Variants in UBN2 observed in about 807,000 individuals in gnomAD.
UBN2 encodes the protein ubinuclein-2.
In UBN2, 35 loss-of-function variants were observed where a neutral mutation model predicts 120.2. The observed-to-expected ratio is 0.29, with a 90% confidence interval of 0.22 to 0.39. UBN2 has a LOEUF of 0.39. Among genes scored for constraint, UBN2 ranks in the 10% least tolerant of loss-of-function variants. The pLI is 1.00. For synonymous variants in UBN2, 661 were observed against 648.7 expected (o/e 1.02, Z -0.29); for missense variants, 1,693 against 1,663.2 (o/e 1.02, Z -0.31).
intron 15 of UBN2, among the ~76,000 whole-genome samples, chr7:139,289,176 A>G (rs1016981749): frequency 1.3e-5 from 2 of 152,128 alleles, no homozygotes; most frequent in African/African-American, 4.8e-5. Flanking sequence ...CCCAGATGAT[A>G]CCAACATTGG....
intron 9 of UBN2, 55 bp downstream of exon 9, chr7:139,272,495 TATG>T (rs1425264061): frequency 7.4e-5 from 30 of 402,966 alleles, no homozygotes; most frequent in South Asian, 3.2e-4. Context: ...GTATGTACGT[TATG>T]TATGTATGTA....
the UBN2 span, among the ~76,000 whole-genome samples, chr7:139,316,098 AAAAAAAAAAG>A: frequency 4.0e-4 from 56 of 140,022 alleles, 3 homozygotes; most frequent in African/African-American, 7.7e-4. Context: ...AAAAAAAAAA[AAAAAAAAAAG>A]GGGTTCCAGT....
intron 3 of UBN2, among the ~76,000 whole-genome samples, chr7:139,254,384 C>T (rs1224041016): frequency 6.6e-6 from 1 of 152,136 alleles, no homozygotes; most frequent in Non-Finnish European, 1.5e-5. Context: ...ATTGCCAGTG[C>T]CCTTTGGAGT....
At chr7:139,281,193 TG>T (rs1797597599) in intron 13 of UBN2, among the ~76,000 whole-genome samples, 1 of 152,202 alleles carries the variant, frequency 6.6e-6, no homozygotes, top group Non-Finnish European at 1.5e-5. Context: ...TAGGATGATA[TG>T]GGGGAGTCAT....
chr7:139,284,631 T>C, intron 15 of UBN2, 57 bp downstream of exon 15: 2 of 1,454,890 alleles, frequency 1.4e-6, no homozygotes, highest in South Asian at 1.3e-5. Flanking sequence ...ATGTCGTCTT[T>C]CTTGTGGGTA....
the UBN2 span, among the ~76,000 whole-genome samples, chr7:139,322,961 C>T: frequency 3.0e-4 from 45 of 152,246 alleles, no homozygotes; most frequent in Admixed American, 2.2e-3. Context: ...GTGGCAGTGA[C>T]GAGAAGGAAT....
rs1351936616 is a variant in UBN2, at chr7:139,301,948, A to G, written c.*4112A>G. 2.0e-5 allele frequency: 3 copies of G among 152,190 alleles called. No homozygotes were observed. The highest frequency in any genetic ancestry group is 4.4e-5 in the Non-Finnish European group (3 of 68,040). The allele number at this position is 152,190 out of a possible 1,614,324, so 9.4% of individuals were successfully genotyped here. A position where few individuals can be genotyped will look rare whatever the true frequency, so the allele number is the denominator to read the frequency against. The stretch of plus-strand genomic sequence containing the variant: ...AGTGCAGTAGTAGATAAATGATCAC[A>G]ACATGTTATGCAATTTTATTTTATA... On this transcript the variant is annotated 3_prime_UTR_variant, in exon 18 of 18. Coordinates refer to ENST00000473989, the MANE Select transcript of UBN2 (RefSeq NM_173569.4).
chr7:139,266,316 CTTTCTTG>C lies in UBN2; in HGVS notation c.1396-10_1396-4del. The C allele has an allele frequency of 6.6e-7, 1 of 1,518,916 alleles. No individual in the cohort carries two copies. The highest frequency in any genetic ancestry group is 9.0e-7 in the Non-Finnish European group (1 of 1,108,516). The allele number at this position is 1,518,916 out of a possible 1,614,324, so 94.1% of individuals were successfully genotyped here. On this transcript the variant is annotated splice_polypyrimidine_tract_variant and intron_variant, in intron 6 of 17. Transcript: ENST00000473989. ...ATGGCCTATTTTGATTTATTATCAT[CTTTCTTG>C]TTTCTTTAGGCTGCCAAACTTTTTG... is the stretch of plus-strand genomic sequence containing the variant.
At chr7:139,312,816 A>C (rs1232136344), downstream of UBN2, among the ~76,000 whole-genome samples, 1 of 152,080 alleles carries the variant, frequency 6.6e-6, no homozygotes, top group Non-Finnish European at 1.5e-5. Flanking sequence ...TCTGGCATCC[A>C]CCTTTGTATA....
In UBN2 at chr7:139,269,382, T is replaced by A. The variant is rs1797194799; in HGVS notation, c.1467-12T>A. ...TTCTATACTGTTCATTGTTGTTAACTTTTTTGGCCAGCATTGAGTTACAGC... is the reference window on the plus strand; with the variant it reads ...TTCTATACTGTTCATTGTTGTTAACATTTTTGGCCAGCATTGAGTTACAGC... On this transcript the variant is annotated splice_polypyrimidine_tract_variant and intron_variant, in intron 7 of 17. Coordinates refer to ENST00000473989, the MANE Select transcript of UBN2 (RefSeq NM_173569.4). 1.2e-6 allele frequency: 2 copies of A among 1,611,968 alleles called. No individual in the cohort carries two copies. The highest frequency in any genetic ancestry group is 1.1e-5 in the South Asian group (1 of 90,660).
At chr7:139,296,185 T>C (rs185745695) in intron 17 of UBN2, among the ~76,000 whole-genome samples, 1 of 152,364 alleles carries the variant, frequency 6.6e-6, no homozygotes, top group East Asian at 1.9e-4. Flanking sequence ...TGTTGATTAA[T>C]TTTATTTAGT....
chr7:139,239,889 A>G (rs1190685461), intron 2 of UBN2, among the ~76,000 whole-genome samples: 4 of 152,168 alleles, frequency 2.6e-5, no homozygotes, highest in African/African-American at 9.7e-5. Flanking sequence ...TTACAAAATC[A>G]AGGATTTTAG....
chr7:139,260,496 A>G (rs936110448), intron 5 of UBN2, among the ~76,000 whole-genome samples: 1 of 152,224 alleles, frequency 6.6e-6, no homozygotes, highest in Non-Finnish European at 1.5e-5. Flanking sequence ...AATGCAGTCA[A>G]ACATTACCAA....
At chr7:139,249,417 C>T (rs1473346963) in intron 2 of UBN2, among the ~76,000 whole-genome samples, 2 of 152,300 alleles carry the variant, frequency 1.3e-5, no homozygotes, top group African/African-American at 4.8e-5. Flanking sequence ...TTTCGTAAGT[C>T]TGGCATAACT....
In UBN2 at chr7:139,300,158, A is replaced by G. The variant is rs1193542184; in HGVS notation, c.*2322A>G. ...TGTAACATTTTATACTAACCAGTAA[A>G]AATATCTGAAGGCCCTTGGCTCCAA... On this transcript the variant is annotated 3_prime_UTR_variant, in exon 18 of 18. Coordinates refer to ENST00000473989, the MANE Select transcript of UBN2 (RefSeq NM_173569.4). 1 of 152,196 alleles carries G rather than the reference A, an allele frequency of 6.6e-6. No homozygotes were observed. The highest frequency in any genetic ancestry group is 2.4e-5 in the African/African-American group (1 of 41,456). The allele number at this position is 152,196 out of a possible 1,614,324, so 9.4% of individuals were successfully genotyped here. A position where few individuals can be genotyped will look rare whatever the true frequency, so the allele number is the denominator to read the frequency against.
At chr7:139,314,781 G>C in the UBN2 span, among the ~76,000 whole-genome samples, 1 of 151,700 alleles carries the variant, frequency 6.6e-6, no homozygotes, top group Admixed American at 6.6e-5. Context: ...CACGGTGCCC[G>C]GCCAATTTTT....
In UBN2 at chr7:139,276,158, GCAGACTC is replaced by G. The variant is rs759471914; in HGVS notation, c.2024+16_2024+22del. 376 of 1,612,428 alleles carry G rather than the reference GCAGACTC, an allele frequency of 2.3e-4. No individual in the cohort carries two copies. The highest frequency in any genetic ancestry group is 3.1e-4 in the Non-Finnish European group (368 of 1,179,064). On this transcript the variant is annotated intron_variant, in intron 12 of 17. Coordinates refer to ENST00000473989, the MANE Select transcript of UBN2 (RefSeq NM_173569.4). ...TCTTACTTCTGCTCCGTGAGTAAAT[GCAGACTC>G]CAGATTGCTTCATTTATTCACATTA...
chr7:139,328,234 A>G, the UBN2 span, among the ~76,000 whole-genome samples: 1 of 152,182 alleles, frequency 6.6e-6, no homozygotes, highest in African/African-American at 2.4e-5. Context: ...TACAATCATG[A>G]TGGAAGGTGA....
the UBN2 span, among the ~76,000 whole-genome samples, chr7:139,317,462 T>C: frequency 1.3e-5 from 2 of 152,120 alleles, no homozygotes; most frequent in Admixed American, 1.3e-4. Flanking sequence ...ACACTTACAA[T>C]TTTTTAATAC....
Sources: allele counts gnomAD v4.1 joint callset (sites outside exome capture counted in the v4.1 genomes callset), GRCh38; gene constraint gnomAD v4.1.1; transcripts MANE v1.5; gene names NCBI Gene and HGNC (gene_info 2026-07-23, HGNC 2026-07-21).